The following SSBP3 variants were observed in gnomAD, a reference collection of about 807,000 sequenced individuals.
SSBP3 encodes single stranded DNA binding protein 3.
In SSBP3, 5 loss-of-function variants were observed where a neutral mutation model predicts 69.6. The ratio of observed to expected loss-of-function variants is 0.07; its 90% confidence interval spans 0.04 to 0.15. The LOEUF is 0.15. Among genes scored for constraint, SSBP3 ranks in the 10% least tolerant of loss-of-function variants. SSBP3 has a pLI of 1.00. For missense variants in SSBP3, 312 were observed against 534.0 expected (o/e 0.58, Z 4.10); for synonymous variants, 196 against 193.4 (o/e 1.01, Z -0.11).
chr1:54,240,988 C>A, intron 12 of SSBP3, 29 bp from the exon 13 acceptor site: 1 of 1,595,038 alleles, frequency 6.3e-7, no homozygotes, highest in African/African-American at 1.3e-5. Flanking sequence ...TGACATCAGA[C>A]ACCCACGGTG....
At chr1:54,270,003 G>C (rs1034058607) in intron 5 of SSBP3, among the ~76,000 whole-genome samples, 2 of 152,208 alleles carry the variant, frequency 1.3e-5, no homozygotes, top group Non-Finnish European at 2.9e-5. Context: ...AGCGGGGCTG[G>C]GCAGAAAGCC....
chr1:54,388,105 T>A (rs1648219031), intron 4 of SSBP3, among the ~76,000 whole-genome samples: 1 of 152,218 alleles, frequency 6.6e-6, no homozygotes, highest in Non-Finnish European at 1.5e-5. Flanking sequence ...TCTGCATTCA[T>A]CTCACCGAGA....
At chr1:54,405,155 G>A (rs984012242) in intron 1 of SSBP3, among the ~76,000 whole-genome samples, 2 of 152,178 alleles carry the variant, frequency 1.3e-5, no homozygotes, top group Admixed American at 1.3e-4. Context: ...ATGGAGAGCA[G>A]CCCCCAAACT....
At chr1:54,334,711 A>G (rs927019975) in intron 4 of SSBP3, among the ~76,000 whole-genome samples, 1 of 152,230 alleles carries the variant, frequency 6.6e-6, no homozygotes, top group South Asian at 2.1e-4. Flanking sequence ...ATTATTAACA[A>G]TAACAACATC....
intron 4 of SSBP3, among the ~76,000 whole-genome samples, chr1:54,338,228 T>C (rs1343252442): frequency 2.0e-5 from 3 of 152,232 alleles, no homozygotes; most frequent in African/African-American, 7.2e-5. Context: ...GCAATGGGGC[T>C]GCATAGCCGG....
At chr1:54,256,204 T>A (rs1170684237) in intron 7 of SSBP3, among the ~76,000 whole-genome samples, 6 of 152,174 alleles carry the variant, frequency 3.9e-5, no homozygotes, top group Admixed American at 3.3e-4. Flanking sequence ...CAATGCTAAT[T>A]TAGCTGGTGA....
chr1:54,313,562 T>G (rs960851133), intron 4 of SSBP3, among the ~76,000 whole-genome samples: 7 of 151,278 alleles, frequency 4.6e-5, no homozygotes, highest in Non-Finnish European at 1.0e-4. Context: ...GCTATGCCTA[T>G]GCTTTTTGAC....
At chr1:54,288,125 C>T (rs1047090696) in intron 4 of SSBP3, among the ~76,000 whole-genome samples, 15 of 152,126 alleles carry the variant, frequency 9.9e-5, no homozygotes, top group South Asian at 2.1e-4. Context: ...AATTTGGGGT[C>T]GCTCCCAGCG....
intron 5 of SSBP3, among the ~76,000 whole-genome samples, chr1:54,273,978 C>A (rs747830514): frequency 1.3e-5 from 2 of 152,226 alleles, no homozygotes; most frequent in African/African-American, 2.4e-5. Flanking sequence ...GGTGACCCTG[C>A]CTTCTGTCAG....
intron 4 of SSBP3, among the ~76,000 whole-genome samples, chr1:54,282,831 A>G (rs968558131): frequency 5.3e-5 from 8 of 152,230 alleles, no homozygotes; most frequent in African/African-American, 1.7e-4. Flanking sequence ...TTGGTCATCA[A>G]TCATCTCCCA....
intron 14 of SSBP3, among the ~76,000 whole-genome samples, chr1:54,233,124 T>A (rs932585621): frequency 4.7e-5 from 7 of 149,324 alleles, no homozygotes; most frequent in Admixed American, 2.0e-4. Flanking sequence ...CCATCCCATC[T>A]AGGAAGTGAG....
intron 4 of SSBP3, chr1:54,335,668 G>T (rs774665234): frequency 6.6e-6 from 1 of 152,192 alleles, no homozygotes; most frequent in Non-Finnish European, 1.5e-5. Context: ...CTGAGACCGA[G>T]AGGCCCAAAA....
At chr1:54,233,956 T>C (rs1401465454) in intron 14 of SSBP3, among the ~76,000 whole-genome samples, 1 of 152,246 alleles carries the variant, frequency 6.6e-6, no homozygotes, top group Non-Finnish European at 1.5e-5. Flanking sequence ...TTGCCGTGTC[T>C]GTGTAGAAAG....
intron 4 of SSBP3, among the ~76,000 whole-genome samples, chr1:54,384,523 G>A (rs1339374463): frequency 2.0e-5 from 3 of 152,218 alleles, no homozygotes; most frequent in South Asian, 4.1e-4. Context: ...GCCCCCAGAG[G>A]CTCAAAGATT....
In SSBP3 at chr1:54,299,051, T is replaced by C. The variant is rs996357782; in HGVS notation, c.277-17524A>G. Among the ~76,000 whole-genome samples, 21 of 151,944 alleles carry C rather than the reference T, an allele frequency of 1.4e-4. No homozygotes were observed. In the East Asian group the frequency reaches 4.1e-3, roughly 30 times the overall value. ...CAGCCACCCAGGGTGTGCTGGGGGT[T>C]CAGTCCCACTGAGGGTTCGTGCTTG... On this transcript the variant is annotated intron_variant, in intron 4 of 17. Transcript: ENST00000610401.
At chr1:54,308,774 A>T (rs139426236) in intron 4 of SSBP3, among the ~76,000 whole-genome samples, 1 of 151,906 alleles carries the variant, frequency 6.6e-6, no homozygotes, top group African/African-American at 2.4e-5. Flanking sequence ...TCTCAAAAAA[A>T]AAGAAGAAGA....
chr1:54,307,796 C>T (rs1301560075), intron 4 of SSBP3, among the ~76,000 whole-genome samples: 1 of 151,728 alleles, frequency 6.6e-6, no homozygotes, highest in Non-Finnish European at 1.5e-5. Context: ...AATGCAATGG[C>T]AACGTCAGCA....
At chr1:54,366,141 CCAGT>C (rs1166634937) in intron 4 of SSBP3, among the ~76,000 whole-genome samples, 2 of 152,154 alleles carry the variant, frequency 1.3e-5, no homozygotes, top group Admixed American at 1.3e-4. Context: ...TAACTGCTCC[CCAGT>C]GGAGCCTGGA....
intron 4 of SSBP3, among the ~76,000 whole-genome samples, chr1:54,310,495 T>A (rs1645981806): frequency 6.6e-6 from 1 of 152,150 alleles, no homozygotes; most frequent in Non-Finnish European, 1.5e-5. Flanking sequence ...GAAGGGTTTT[T>A]AATTGAGCTA....
Sources: allele counts gnomAD v4.1 joint callset (sites outside exome capture counted in the v4.1 genomes callset), GRCh38; gene constraint gnomAD v4.1.1; transcripts MANE v1.5; gene names NCBI Gene and HGNC (gene_info 2026-07-23, HGNC 2026-07-21).